The following RGS7 variants were observed in gnomAD, a reference collection of about 807,000 sequenced individuals.
The protein encoded by RGS7 is regulator of G-protein signaling 7.
In RGS7, 27 loss-of-function variants were observed where a neutral mutation model predicts 81.1. The observed-to-expected ratio is 0.33, with a 90% CI of 0.25 to 0.46. RGS7 has a LOEUF of 0.46. Ranked by LOEUF, RGS7 falls within the 20% of genes least tolerant of loss-of-function variation. The probability of loss-of-function intolerance (pLI) is 1.00; values close to 1 mark genes in which losing one functional copy is unlikely to be tolerated. For missense variants in RGS7, 396 were observed against 607.4 expected, an observed-to-expected ratio of 0.65 and a Z score of 3.66; for synonymous variants, 208 against 207.7, an observed-to-expected ratio of 1.00 and a Z score of -0.01.
intron 2 of RGS7, among the ~76,000 whole-genome samples, chr1:241,156,886 C>T (rs763766706): frequency 6.6e-6 from 1 of 152,142 alleles, no homozygotes; most frequent in African/African-American, 2.4e-5. Flanking sequence ...CTCAATTTCT[C>T]CCCCTCCTCA....
At chr1:241,066,677 C>T (rs2062081865) in intron 3 of RGS7, among the ~76,000 whole-genome samples, 1 of 152,196 alleles carries the variant, frequency 6.6e-6, no homozygotes, top group East Asian at 1.9e-4. Context: ...ATCACCGTCA[C>T]ATCAAAGACC....
At chr1:241,124,691 G>A (rs2066525608) in intron 2 of RGS7, among the ~76,000 whole-genome samples, 2 of 152,342 alleles carry the variant, frequency 1.3e-5, no homozygotes, top group Non-Finnish European at 2.9e-5. Context: ...ATCGTGGCAG[G>A]AGATGCCCAG....
intron 2 of RGS7, among the ~76,000 whole-genome samples, chr1:241,273,769 C>T (rs1035401268): frequency 2.6e-5 from 4 of 152,194 alleles, no homozygotes; most frequent in Admixed American, 6.5e-5. Context: ...CTTCAGCAGC[C>T]CTCTGCCTTG....
Position 240,891,134 on chromosome 1 carries a change from G to A in RGS7, c.386-21015C>T, listed in dbSNP as rs116344180. Among the ~76,000 whole-genome samples, 1,046 of 152,224 alleles carry A rather than the reference G, an allele frequency of 6.9e-3. 14 individuals are homozygous for A. The highest frequency in any genetic ancestry group is 0.024 in the African/African-American group (993 of 41,538). On this transcript the variant is annotated intron_variant, in intron 6 of 18. Transcript: ENST00000440928. Reference sequence around the variant, plus strand: ...CTGCTCTTAGTTGAGTAACAAGTAAGTCATCTGTCCTCTCTGAGCCAGATT... The same window carrying A: ...CTGCTCTTAGTTGAGTAACAAGTAAATCATCTGTCCTCTCTGAGCCAGATT...
chr1:240,961,796 A>C (rs972581455), intron 4 of RGS7, among the ~76,000 whole-genome samples: 1 of 152,190 alleles, frequency 6.6e-6, no homozygotes, highest in Non-Finnish European at 1.5e-5. Context: ...ATCAACATTG[A>C]TTCTGAGATT....
intron 4 of RGS7, among the ~76,000 whole-genome samples, chr1:240,958,606 C>T (rs891879982): frequency 6.6e-6 from 1 of 152,162 alleles, no homozygotes; most frequent in Non-Finnish European, 1.5e-5. Flanking sequence ...AGAAACTGCT[C>T]CTCTGAACTC....
chr1:240,843,385 C>T (rs765189830), intron 9 of RGS7, among the ~76,000 whole-genome samples: 16 of 152,026 alleles, frequency 1.1e-4, no homozygotes, highest in Non-Finnish European at 1.8e-4. Flanking sequence ...CCTGCCTCAG[C>T]CTCCTAAGTA....
intron 2 of RGS7, among the ~76,000 whole-genome samples, chr1:241,140,909 G>T (rs746799786): frequency 3.3e-5 from 5 of 152,178 alleles, no homozygotes; most frequent in Admixed American, 1.3e-4. Flanking sequence ...ACTAGTGCCT[G>T]TTCACCTCTG....
intron 18 of RGS7, among the ~76,000 whole-genome samples, chr1:240,783,494 G>A (rs1372470553): frequency 2.0e-5 from 3 of 151,484 alleles, no homozygotes; most frequent in Non-Finnish European, 4.4e-5. Context: ...ATGGTGGTGC[G>A]TGCCTGTAAT....
rs139198701 is a variant in RGS7, at chr1:241,022,843, A to G, written c.176-39714T>C. 7.8e-3 allele frequency among the ~76,000 whole-genome samples: 1,194 copies of G among 152,244 alleles called. 17 individuals carry two copies. Among genetic ancestry groups the G allele is most frequent in the African/African-American group, 0.027 (1,130 of 41,548 alleles). ...AGTGGGCAGGAAGAACCCATTGGGT[A>G]GTTGCAATATGATCAAAGTGAGGCT... On this transcript the variant is annotated intron_variant, in intron 3 of 18. Transcript: ENST00000440928.
chr1:241,314,858 G>GGGAATAGA (rs1221240187), intron 2 of RGS7, among the ~76,000 whole-genome samples: 1 of 152,140 alleles, frequency 6.6e-6, no homozygotes, highest in Non-Finnish European at 1.5e-5. Flanking sequence ...CTGTACTGTA[G>GGGAATAGA]GGAATAGATA....
At chr1:241,143,792 T>G (rs2068098915) in intron 2 of RGS7, among the ~76,000 whole-genome samples, 1 of 152,278 alleles carries the variant, frequency 6.6e-6, no homozygotes, top group South Asian at 2.1e-4. Flanking sequence ...CACCACTGTA[T>G]TTAGAGGTGG....
intron 2 of RGS7, among the ~76,000 whole-genome samples, chr1:241,136,634 A>G (rs1283087952): frequency 1.3e-5 from 2 of 152,158 alleles, no homozygotes; most frequent in African/African-American, 4.8e-5. Context: ...CCATCTGGAA[A>G]CCTGAAGATG....
intron 6 of RGS7, among the ~76,000 whole-genome samples, chr1:240,883,557 G>A (rs1412264341): frequency 6.6e-6 from 1 of 151,996 alleles, no homozygotes; most frequent in Non-Finnish European, 1.5e-5. Context: ...ACTAAAATTT[G>A]TTTGTAGCCC....
chr1:240,974,723 T>C (rs527710878), intron 4 of RGS7, among the ~76,000 whole-genome samples: 1 of 152,372 alleles, frequency 6.6e-6, no homozygotes, highest in Non-Finnish European at 1.5e-5. Context: ...AGGCTGTATT[T>C]GAAGACTAGT....
In RGS7 at chr1:241,164,373, TGAG is replaced by T. The variant is rs976782154; in HGVS notation, c.79-65614_79-65612del. Among the ~76,000 whole-genome samples, 5 of 152,006 alleles carry T rather than the reference TGAG, an allele frequency of 3.3e-5. No homozygotes were observed. The highest frequency in any genetic ancestry group is 6.6e-5 in the Admixed American group (1 of 15,254). On this transcript the variant is annotated intron_variant, in intron 2 of 18. Coordinates refer to ENST00000440928, the MANE Select transcript of RGS7 (RefSeq NM_001364886.1). The surrounding 1 kb of genome is among the most constrained non-coding windows in gnomAD (Gnocchi z 4.1). ...CAGCCCCTTTCCCCTCCTTGGAAGT[TGAG>T]GGGTAGGGCTGAAAGTCCCAGCCCT...
At chr1:240,959,487 T>C (rs1009370731) in intron 4 of RGS7, among the ~76,000 whole-genome samples, 3 of 152,174 alleles carry the variant, frequency 2.0e-5, no homozygotes, top group African/African-American at 7.2e-5. Context: ...TATCTAAACA[T>C]AGAAAATGCA....
At chr1:240,832,505 C>T (rs1013895415) in intron 9 of RGS7, among the ~76,000 whole-genome samples, 3 of 152,128 alleles carry the variant, frequency 2.0e-5, no homozygotes, top group Non-Finnish European at 4.4e-5. Flanking sequence ...CGTGAGTGTC[C>T]TCATGAGGTG....
At chr1:240,826,953 C>T in intron 10 of RGS7, 145 bp downstream of exon 10, 1 of 732,836 alleles carries the variant, frequency 1.4e-6, no homozygotes, top group Non-Finnish European at 2.5e-6. Context: ...TAGGGTGGGG[C>T]TATTCTTGAG....
Sources: allele counts gnomAD v4.1 joint callset (sites outside exome capture counted in the v4.1 genomes callset), GRCh38; gene constraint gnomAD v4.1.1; non-coding constraint Gnocchi (gnomAD v3.1); transcripts MANE v1.5; gene names NCBI Gene and HGNC (gene_info 2026-07-23, HGNC 2026-07-21).